The following BRINP3 variants were observed in gnomAD, a reference collection of about 807,000 sequenced individuals.
The protein encoded by BRINP3 is BMP/retinoic acid-inducible neural-specific protein 3.
A neutral mutation model predicts 71.0 loss-of-function variants in BRINP3; 19 were observed. The ratio of observed to expected loss-of-function variants is 0.27; its 90% CI spans 0.19 to 0.39. The LOEUF is 0.39. Among genes scored for constraint, BRINP3 ranks in the 10% least tolerant of loss-of-function variants. The probability of loss-of-function intolerance (pLI) is 1.00; values close to 1 mark genes in which losing one functional copy is unlikely to be tolerated. For synonymous variants in BRINP3, 380 were observed against 337.7 expected, an observed-to-expected ratio of 1.13 and a Z score of -1.37; for missense variants, 959 against 940.8, an observed-to-expected ratio of 1.02 and a Z score of -0.25.
rs1651342776 is a variant in BRINP3 at position 190,097,925 on chromosome 1, G to T, written c.*93C>A. On this transcript the variant is annotated 3_prime_UTR_variant, in exon 8 of 8. Transcript: ENST00000367462. ...ACTGATATAAGACAGATATTGAAAA[G>T]ACAATTTAAATTTACTCTTCCAAAC... is the stretch of plus-strand genomic sequence containing the variant. 1.5e-6 allele frequency: 2 copies of T among 1,339,358 alleles called. No homozygotes were observed. 83.0% of individuals were successfully genotyped at this position (1,339,358 alleles called of 1,614,324 possible). A position where few individuals can be genotyped will look rare whatever the true frequency, so the allele number is the denominator to read the frequency against.
chr1:190,445,594 CA>C (rs1306959918), intron 2 of BRINP3, among the ~76,000 whole-genome samples: 6 of 151,828 alleles, frequency 4.0e-5, no homozygotes, highest in African/African-American at 9.7e-5. Flanking sequence ...CACACACACA[CA>C]CCCTCAAGAA....
intron 2 of BRINP3, among the ~76,000 whole-genome samples, chr1:190,429,832 G>T (rs999401090): frequency 2.0e-5 from 3 of 151,956 alleles, no homozygotes; most frequent in African/African-American, 7.2e-5. Flanking sequence ...CAAGTCATCT[G>T]CCCTGCCCGC....
At chr1:190,284,886 A>C (rs903752629) in intron 2 of BRINP3, among the ~76,000 whole-genome samples, 8 of 152,186 alleles carry the variant, frequency 5.3e-5, no homozygotes, top group African/African-American at 1.9e-4. Context: ...CAAGAAACTT[A>C]ATCTTCCAGT....
At chr1:190,388,470 C>A (rs1028604203) in intron 2 of BRINP3, among the ~76,000 whole-genome samples, 1 of 151,702 alleles carries the variant, frequency 6.6e-6, no homozygotes, top group African/African-American at 2.4e-5. Context: ...AAAATTTGGA[C>A]ACAGAGACAC....
intron 6 of BRINP3, among the ~76,000 whole-genome samples, chr1:190,203,810 T>C (rs936758001): frequency 6.0e-5 from 4 of 66,382 alleles, no homozygotes; most frequent in Non-Finnish European, 1.2e-4. Context: ...TATATATATA[T>C]ATATAAATGA....
intron 3 of BRINP3, among the ~76,000 whole-genome samples, chr1:190,277,591 C>A (rs1662695405): frequency 6.6e-6 from 1 of 151,708 alleles, no homozygotes; most frequent in African/African-American, 2.4e-5. Flanking sequence ...AGTAAACTCT[C>A]TTTCTCCCCC....
At chr1:190,273,158 G>A (rs1408486831) in intron 3 of BRINP3, among the ~76,000 whole-genome samples, 1 of 150,262 alleles carries the variant, frequency 6.7e-6, no homozygotes, top group Non-Finnish European at 1.5e-5. Context: ...AATTTTTACT[G>A]TAACTTTTCC....
At chr1:190,241,465 T>TTCTCTC (rs151215200) in intron 4 of BRINP3, among the ~76,000 whole-genome samples, 24 of 149,002 alleles carry the variant, frequency 1.6e-4, no homozygotes, top group African/African-American at 5.6e-4. Flanking sequence ...ATGTAATTAA[T>TTCTCTC]TCTCTCTCTC....
chr1:190,257,576 C>T (rs1248893437), intron 4 of BRINP3, among the ~76,000 whole-genome samples: 2 of 152,186 alleles, frequency 1.3e-5, no homozygotes, highest in East Asian at 1.9e-4. Flanking sequence ...TCATAATTTA[C>T]AGCTTTTCTG....
At chr1:190,270,427 T>C (rs1316045995) in intron 3 of BRINP3, among the ~76,000 whole-genome samples, 2 of 151,668 alleles carry the variant, frequency 1.3e-5, no homozygotes, top group East Asian at 3.8e-4. Context: ...TTGTATATCA[T>C]GTTTGTAAAA....
intron 2 of BRINP3, among the ~76,000 whole-genome samples, chr1:190,393,808 T>A (rs1671404908): frequency 6.6e-6 from 1 of 151,646 alleles, no homozygotes; most frequent in Admixed American, 6.6e-5. Context: ...TATGCTAAAA[T>A]GGATGTTATG....
rs558071462 is a variant in BRINP3, at chr1:190,158,391, G to T, written c.1184+2277C>A. Among the ~76,000 whole-genome samples the T allele has an allele frequency of 1.1e-3, 170 of 152,048 alleles. 1 individual carries two copies. The highest frequency in any genetic ancestry group is 1.3e-3 in the Non-Finnish European group (89 of 67,966). On this transcript the variant is annotated intron_variant, in intron 7 of 7. Transcript: ENST00000367462. ...TGTCTTTATCTGCAGCATAAAAATG[G>T]ACTAATACAAGAACTAAACATTTGG...
At chr1:190,400,390 A>G (rs1671844221) in intron 2 of BRINP3, among the ~76,000 whole-genome samples, 1 of 152,156 alleles carries the variant, frequency 6.6e-6, no homozygotes, top group Non-Finnish European at 1.5e-5. Flanking sequence ...GTTAGGCAAA[A>G]TCAACTCTAC....
At chr1:190,245,892 T>C (rs1409986012) in intron 4 of BRINP3, among the ~76,000 whole-genome samples, 1 of 151,758 alleles carries the variant, frequency 6.6e-6, no homozygotes, top group Non-Finnish European at 1.5e-5. Flanking sequence ...CTGAGAATGA[T>C]GGTTTCCAGC....
intron 2 of BRINP3, among the ~76,000 whole-genome samples, chr1:190,286,269 C>T (rs1663419390): frequency 6.6e-6 from 1 of 152,116 alleles, no homozygotes; most frequent in African/African-American, 2.4e-5. Flanking sequence ...ATAATTTTAT[C>T]CCTACTCAGC....
chr1:190,135,991 A>G (rs1284229266), intron 7 of BRINP3, among the ~76,000 whole-genome samples: 1 of 152,078 alleles, frequency 6.6e-6, no homozygotes, highest in African/African-American at 2.4e-5. Flanking sequence ...TGTACTTAAA[A>G]TTAAGTCTAG....
intron 7 of BRINP3, among the ~76,000 whole-genome samples, chr1:190,141,850 G>A (rs1157037453): frequency 5.9e-5 from 9 of 151,582 alleles, no homozygotes; most frequent in Admixed American, 4.0e-4. Flanking sequence ...GAGCCACCAC[G>A]CCTAGCCTTA....
At position 190,318,428 on chromosome 1, in the gene BRINP3, T is replaced by C. The variant is rs571724908; in HGVS notation, c.237-36678A>G. On this transcript the variant is annotated intron_variant, in intron 2 of 7. Transcript: ENST00000367462. ...GAGTTAGACTATGGAAAGCAATATA[T>C]CTCAAGTATTCTTTATCCCATCTAG... Among the ~76,000 whole-genome samples the C allele has an allele frequency of 3.3e-5, 5 of 152,214 alleles. No individual in the cohort carries two copies. The South Asian group carries it at 1.0e-3, about 32-fold the overall frequency.
At chr1:190,322,173 C>T (rs1666289008) in intron 2 of BRINP3, among the ~76,000 whole-genome samples, 1 of 151,816 alleles carries the variant, frequency 6.6e-6, no homozygotes, top group Non-Finnish European at 1.5e-5. Flanking sequence ...TATGGTATTT[C>T]CAGTAAATAC....
Sources: gnomAD v4.1 joint callset for allele counts (sites outside exome capture counted in the v4.1 genomes callset) on GRCh38, gnomAD v4.1.1 for gene constraint, MANE v1.5 for transcripts, NCBI Gene and HGNC (gene_info 2026-07-23, HGNC 2026-07-21) for gene names.